Variants in SCFD2 observed in about 807,000 individuals in gnomAD.
SCFD2 encodes the protein sec1 family domain-containing protein 2.
In SCFD2, 54 loss-of-function variants were observed where a neutral mutation model predicts 58.9. That is an observed-to-expected ratio of 0.92 (90% CI 0.74 to 1.15). The LOEUF (loss-of-function observed/expected upper bound fraction) is 1.15. SCFD2 is among the 50% of genes most tolerant of loss of function. The pLI, the probability that SCFD2 is intolerant of heterozygous loss-of-function variation, is 0.00. For synonymous variants in SCFD2, 321 were observed against 335.9 expected, an observed-to-expected ratio of 0.96 and a Z score of 0.49; for missense variants, 805 against 836.6, an observed-to-expected ratio of 0.96 and a Z score of 0.47.
chr4:53,110,205 CTGGAT>C (rs1725129090), intron 5 of SCFD2, among the ~76,000 whole-genome samples: 1 of 152,162 alleles, frequency 6.6e-6, no homozygotes, highest in South Asian at 2.1e-4. Flanking sequence ...AAAACTGAAA[CTGGAT>C]CCCTTCCTTA....
chr4:53,208,025 C>T (rs1728491009), intron 4 of SCFD2, among the ~76,000 whole-genome samples: 1 of 151,478 alleles, frequency 6.6e-6, no homozygotes, highest in South Asian at 2.1e-4. Context: ...AGCAAGATTT[C>T]AGCTCACTGC....
At chr4:53,332,448 C>A (rs887536252) in intron 2 of SCFD2, among the ~76,000 whole-genome samples, 35 of 151,720 alleles carry the variant, frequency 2.3e-4, no homozygotes, top group Admixed American at 1.1e-3. Context: ...TCAATATACG[C>A]AAATCAATAA....
intron 2 of SCFD2, among the ~76,000 whole-genome samples, chr4:53,326,611 C>T (rs1466145200): frequency 6.6e-6 from 1 of 152,118 alleles, no homozygotes; most frequent in Non-Finnish European, 1.5e-5. Context: ...ACCATCACCG[C>T]TCCTATTTAA....
intron 4 of SCFD2, among the ~76,000 whole-genome samples, chr4:53,215,548 G>C (rs1401042419): frequency 3.3e-5 from 5 of 152,282 alleles, no homozygotes; most frequent in South Asian, 2.1e-4. Context: ...ATTTTGGGCT[G>C]AGATGATGGG....
chr4:53,092,530 T>TA (rs200536853), intron 5 of SCFD2, among the ~76,000 whole-genome samples: 2,961 of 152,180 alleles, frequency 0.019, 70 homozygotes, highest in East Asian at 0.11. Flanking sequence ...GCCCCCAAAT[T>TA]GGAAACAACC....
intron 4 of SCFD2, among the ~76,000 whole-genome samples, chr4:53,190,290 T>C (rs1727854657): frequency 6.6e-6 from 1 of 152,164 alleles, no homozygotes; most frequent in Non-Finnish European, 1.5e-5. Flanking sequence ...TTTGTGTATG[T>C]GTCCTTATCA....
intron 5 of SCFD2, among the ~76,000 whole-genome samples, chr4:52,952,205 T>C (rs537491459): frequency 6.7e-6 from 1 of 150,122 alleles, no homozygotes; most frequent in Non-Finnish European, 1.5e-5. Flanking sequence ...AGCCACTCCC[T>C]ACCATATCCC....
chr4:53,289,809 C>A (rs1403803751), intron 3 of SCFD2, among the ~76,000 whole-genome samples: 2 of 151,894 alleles, frequency 1.3e-5, no homozygotes, highest in Non-Finnish European at 2.9e-5. Context: ...TAAAAAGTAA[C>A]AACAACAACA....
intron 4 of SCFD2, among the ~76,000 whole-genome samples, chr4:53,220,049 A>G (rs950771200): frequency 2.6e-5 from 4 of 152,224 alleles, no homozygotes; most frequent in Non-Finnish European, 5.9e-5. Flanking sequence ...CTCCCCAGTC[A>G]GCCTCATGGT....
intron 5 of SCFD2, among the ~76,000 whole-genome samples, chr4:53,111,311 T>C (rs189693343): frequency 2.6e-5 from 4 of 152,202 alleles, no homozygotes; most frequent in Admixed American, 2.6e-4. Flanking sequence ...GTTCTGCACA[T>C]GTATCCCAGA....
chr4:53,286,960 T>C (rs1731686933), intron 3 of SCFD2, among the ~76,000 whole-genome samples: 1 of 152,166 alleles, frequency 6.6e-6, no homozygotes. Flanking sequence ...GAAGTTACTG[T>C]GCCCTGTTGG....
At chr4:53,345,184 T>G (rs1028024425) in intron 2 of SCFD2, among the ~76,000 whole-genome samples, 12 of 152,004 alleles carry the variant, frequency 7.9e-5, no homozygotes, top group Non-Finnish European at 1.8e-4. Context: ...GGGAGAAAAT[T>G]TTTGCAATCT....
chr4:53,188,371 C>A (rs1174339839), intron 4 of SCFD2, among the ~76,000 whole-genome samples: 1 of 150,824 alleles, frequency 6.6e-6, no homozygotes, highest in Non-Finnish European at 1.5e-5. Context: ...AATAGTTCAA[C>A]CACTTTGAAA....
At chr4:52,965,197 C>T (rs549354674) in intron 5 of SCFD2, among the ~76,000 whole-genome samples, 7 of 152,236 alleles carry the variant, frequency 4.6e-5, no homozygotes, top group African/African-American at 1.7e-4. Context: ...TTCTAGGAGC[C>T]ATATTGAAAA....
In SCFD2 at chr4:53,124,141, C is replaced by T. The variant is rs539807094; in HGVS notation, c.1561+21192G>A. Among the ~76,000 whole-genome samples the T allele has an allele frequency of 4.6e-5, 7 of 152,254 alleles. No individual in the cohort carries two copies. The South Asian group carries it at 1.2e-3, about 27-fold the overall frequency. On this transcript the variant is annotated intron_variant, in intron 5 of 8. Coordinates refer to ENST00000401642, the MANE Select transcript of SCFD2 (RefSeq NM_152540.4). Reference sequence around the variant, plus strand: ...CTATGAGACCAGTGAGCTAGGACATCCCACAGGGTGGTTTGGTGCTATATC... The same window carrying T: ...CTATGAGACCAGTGAGCTAGGACATTCCACAGGGTGGTTTGGTGCTATATC...
chr4:53,188,464 T>TGTGTGTGTG (rs1577820979), intron 4 of SCFD2, among the ~76,000 whole-genome samples: 4 of 141,064 alleles, frequency 2.8e-5, no homozygotes, highest in Non-Finnish European at 3.1e-5. Context: ...TGTGTGTGTG[T>TGTGTGTGTG]TTAGTGGCTT....
chr4:53,295,744 G>C (rs565178015), intron 3 of SCFD2, among the ~76,000 whole-genome samples: 1 of 152,058 alleles, frequency 6.6e-6, no homozygotes, highest in East Asian at 1.9e-4. Flanking sequence ...TCCAGTTTTT[G>C]CCCATTCATT....
chr4:53,256,473 G>A (rs905761697), intron 4 of SCFD2, among the ~76,000 whole-genome samples: 54 of 152,166 alleles, frequency 3.5e-4, no homozygotes, highest in East Asian at 7.8e-4. Flanking sequence ...CTTCCCAGAC[G>A]GGGTGGCGGC....
intron 5 of SCFD2, among the ~76,000 whole-genome samples, chr4:53,115,532 A>G (rs1329295616): frequency 6.6e-6 from 1 of 152,182 alleles, no homozygotes; most frequent in African/African-American, 2.4e-5. Flanking sequence ...ATCCAAAGAC[A>G]GAGAGGGCAG....
Sources: allele counts gnomAD v4.1 joint callset (sites outside exome capture counted in the v4.1 genomes callset), GRCh38; gene constraint gnomAD v4.1.1; transcripts MANE v1.5; gene names NCBI Gene and HGNC (gene_info 2026-07-23, HGNC 2026-07-21).